The following SORBS2 variants were observed in gnomAD, a reference collection of about 807,000 sequenced individuals.
SORBS2 encodes sorbin and SH3 domain containing 2.
In SORBS2, 46 loss-of-function variants were observed where a neutral mutation model predicts 97.7. The observed-to-expected ratio is 0.47, with a 90% confidence interval of 0.37 to 0.60. The LOEUF is 0.60. Ranked by LOEUF, SORBS2 falls within the 20% of genes least tolerant of loss-of-function variation. SORBS2 has a pLI of 0.00. For missense variants in SORBS2, 1,316 were observed against 1,282.3 expected (o/e 1.03, Z -0.40); for synonymous variants, 476 against 473.4 (o/e 1.01, Z -0.07).
intron 1 of SORBS2, among the ~76,000 whole-genome samples, chr4:185,926,989 C>T (rs2099264021): frequency 6.6e-6 from 1 of 151,766 alleles, no homozygotes; most frequent in Non-Finnish European, 1.5e-5. Flanking sequence ...CGGTTCTTTA[C>T]TTTCCTCCTT....
At chr4:185,911,207 C>T (rs1384444244) in intron 1 of SORBS2, among the ~76,000 whole-genome samples, 6 of 151,916 alleles carry the variant, frequency 3.9e-5, no homozygotes, top group South Asian at 4.2e-4. Context: ...AAAAACTGTC[C>T]AAGAGGCTTC....
intron 1 of SORBS2, among the ~76,000 whole-genome samples, chr4:185,787,756 G>T (rs986926926): frequency 2.0e-5 from 3 of 152,144 alleles, no homozygotes; most frequent in African/African-American, 7.2e-5. Flanking sequence ...CAGGTTTCCC[G>T]TATTGTTCCT....
intron 2 of SORBS2, among the ~76,000 whole-genome samples, chr4:185,651,294 T>C (rs1181467377): frequency 6.6e-6 from 1 of 152,220 alleles, no homozygotes; most frequent in Non-Finnish European, 1.5e-5. Context: ...CCACTGGCAA[T>C]TCTGAGTCAG....
At chr4:185,791,723 TG>T (rs746867891) in intron 1 of SORBS2, among the ~76,000 whole-genome samples, 6 of 151,900 alleles carry the variant, frequency 3.9e-5, no homozygotes, top group Non-Finnish European at 5.9e-5. Context: ...AAAATAAGAT[TG>T]TTTTTCCCCC....
chr4:185,702,154 A>G (rs2098272579), intron 2 of SORBS2, among the ~76,000 whole-genome samples: 1 of 152,164 alleles, frequency 6.6e-6, no homozygotes, highest in Admixed American at 6.5e-5. Context: ...ATAAAGGAAT[A>G]CCTGAGGCTG....
chr4:185,714,021 C>A (rs2098445528), intron 2 of SORBS2, among the ~76,000 whole-genome samples: 1 of 152,200 alleles, frequency 6.6e-6, no homozygotes, highest in Non-Finnish European at 1.5e-5. Context: ...TGGGATGGAA[C>A]AGCTACCCAC....
intron 4 of SORBS2, among the ~76,000 whole-genome samples, chr4:185,640,855 C>A (rs1370311436): frequency 2.6e-5 from 4 of 152,164 alleles, no homozygotes; most frequent in Non-Finnish European, 5.9e-5. Flanking sequence ...TAACCTCTGA[C>A]TCTTTTAAAC....
intron 2 of SORBS2, among the ~76,000 whole-genome samples, chr4:185,710,978 AT>A (rs1382024561): frequency 2.8e-5 from 4 of 144,814 alleles, no homozygotes; most frequent in African/African-American, 4.9e-5. Context: ...TTTATTTTTT[AT>A]TTTTTTTAGA....
At chr4:185,768,698 C>CAAAAAAAA (rs1207578871) in intron 2 of SORBS2, among the ~76,000 whole-genome samples, 5 of 84,786 alleles carry the variant, frequency 5.9e-5, no homozygotes, top group Non-Finnish European at 1.2e-4. Flanking sequence ...GACTCTGTCT[C>CAAAAAAAA]AAAAAAAAAA....
chr4:185,845,066 G>A (rs912643263), intron 1 of SORBS2, among the ~76,000 whole-genome samples: 2 of 151,164 alleles, frequency 1.3e-5, no homozygotes, highest in Non-Finnish European at 2.9e-5. Flanking sequence ...AGGCTGGAGT[G>A]CAGCAGGGTG....
At chr4:185,747,645 A>C (rs2098771120) in intron 2 of SORBS2, among the ~76,000 whole-genome samples, 1 of 152,170 alleles carries the variant, frequency 6.6e-6, no homozygotes, top group South Asian at 2.1e-4. Flanking sequence ...CATGGTGGTC[A>C]GGGCAGTGGT....
chr4:185,879,824 A>C (rs1201075718), intron 1 of SORBS2, among the ~76,000 whole-genome samples: 1 of 152,186 alleles, frequency 6.6e-6, no homozygotes, highest in Non-Finnish European at 1.5e-5. Flanking sequence ...TCACAGGTGA[A>C]ACACCCTCAT....
intron 1 of SORBS2, among the ~76,000 whole-genome samples, chr4:185,803,009 T>A (rs2099137713): frequency 1.3e-5 from 2 of 152,172 alleles, no homozygotes; most frequent in African/African-American, 2.4e-5. Context: ...AAGGCAACAC[T>A]TTTCCTAATT....
chr4:185,839,263 C>T (rs965610536), intron 1 of SORBS2, among the ~76,000 whole-genome samples: 5 of 152,194 alleles, frequency 3.3e-5, no homozygotes, highest in Admixed American at 1.3e-4. Context: ...TAACCTCAGC[C>T]GCTGGCTTGG....
At chr4:185,848,503 A>G (rs909524191) in intron 1 of SORBS2, among the ~76,000 whole-genome samples, 1 of 152,154 alleles carries the variant, frequency 6.6e-6, no homozygotes, top group African/African-American at 2.4e-5. Context: ...ATGCAAATTT[A>G]TGAAAGGTAA....
At chr4:185,587,602 C>T (rs1416280695) in exon 15 of SORBS2, 10 of 1,609,084 alleles carry the variant, frequency 6.2e-6, no homozygotes, top group Non-Finnish European at 7.6e-6. Flanking sequence ...TGGCAGGCGG[C>T]CTCTACAGAA....
chr4:185,891,192 G>A (rs2099242334), intron 1 of SORBS2, among the ~76,000 whole-genome samples: 1 of 152,088 alleles, frequency 6.6e-6, no homozygotes, highest in Non-Finnish European at 1.5e-5. Context: ...AAAAGTAAGT[G>A]GACTTTAGCA....
At chr4:185,649,174 C>T (rs1245284485) in intron 3 of SORBS2, among the ~76,000 whole-genome samples, 1 of 152,136 alleles carries the variant, frequency 6.6e-6, no homozygotes, top group African/African-American at 2.4e-5. Context: ...AAAGGAAGTA[C>T]ATGTCCATTA....
chr4:185,767,394 G>A (rs1435141338), intron 2 of SORBS2, among the ~76,000 whole-genome samples: 1 of 141,828 alleles, frequency 7.1e-6, no homozygotes, highest in East Asian at 2.1e-4. Flanking sequence ...CAGTTACTCG[G>A]GAGGCTGAGG....
Sources: gnomAD v4.1 joint callset for allele counts (sites outside exome capture counted in the v4.1 genomes callset) on GRCh38, gnomAD v4.1.1 for gene constraint, MANE v1.5 for transcripts, NCBI Gene and HGNC (gene_info 2026-07-23, HGNC 2026-07-21) for gene names.